The following PAPPA variants were observed in gnomAD, a reference collection of about 807,000 sequenced individuals.
PAPPA encodes the protein pappalysin-1.
A neutral mutation model predicts 164.0 loss-of-function variants in PAPPA; 60 were observed. The ratio of observed to expected loss-of-function variants is 0.37; its 90% CI spans 0.30 to 0.45. The LOEUF (loss-of-function observed/expected upper bound fraction) is 0.45. Among genes scored for constraint, PAPPA ranks in the 20% least tolerant of loss-of-function variants. The probability of loss-of-function intolerance (pLI) is 1.00; values close to 1 mark genes in which losing one functional copy is unlikely to be tolerated. For synonymous variants in PAPPA, 875 were observed against 814.1 expected (o/e 1.07, Z -1.27); for missense variants, 1,782 against 2,087.3 (o/e 0.85, Z 2.85).
At chr9:116,196,792 G>C (rs781634683) in intron 2 of PAPPA, among the ~76,000 whole-genome samples, 2 of 152,082 alleles carry the variant, frequency 1.3e-5, no homozygotes, top group African/African-American at 2.4e-5. Flanking sequence ...GGTTGTTTTA[G>C]TGGCCTGGTG....
chr9:116,305,985 G>C (rs1475217), intron 10 of PAPPA, among the ~76,000 whole-genome samples: 83,736 of 152,008 alleles, frequency 0.55, 25,665 homozygotes, highest in Middle Eastern at 0.7. Context: ...TGACAAGGTG[G>C]CCCTGTTCCA....
chr9:116,355,361 T>C (rs893787196), intron 17 of PAPPA, among the ~76,000 whole-genome samples: 1 of 152,218 alleles, frequency 6.6e-6, no homozygotes, highest in African/African-American at 2.4e-5. Flanking sequence ...CCCCCCATGG[T>C]GACACAGCTG....
At chr9:116,325,416 G>T (rs1015955321) in intron 10 of PAPPA, among the ~76,000 whole-genome samples, 1 of 152,140 alleles carries the variant, frequency 6.6e-6, no homozygotes. Context: ...AACTGCAGAG[G>T]GGGAATCGGA....
intron 1 of PAPPA, among the ~76,000 whole-genome samples, chr9:116,176,128 A>G (rs928172885): frequency 1.3e-5 from 2 of 152,194 alleles, no homozygotes; most frequent in Non-Finnish European, 2.9e-5. Flanking sequence ...TGTCTTGAAG[A>G]TCAGAAAAGA....
rs569309661 is a variant in PAPPA at position 116,272,501 on chromosome 9, G to A, written c.2953+1085G>A. On this transcript the variant is annotated intron_variant, in intron 9 of 21. Coordinates refer to ENST00000328252, the MANE Select transcript of PAPPA (RefSeq NM_002581.5). ...TTTCTCCCAGTAGATTGTGAGCTCC[G>A]TGATGGTGAAGACCATATACCATGT... Among the ~76,000 whole-genome samples the A allele has an allele frequency of 5.8e-4, 88 of 152,320 alleles. 1 individual carries two copies. The highest frequency in any genetic ancestry group is 2.1e-3 in the African/African-American group (86 of 41,574).
At chr9:116,186,238 A>C (rs1587942854) in intron 1 of PAPPA, among the ~76,000 whole-genome samples, 1 of 138,342 alleles carries the variant, frequency 7.2e-6, no homozygotes, top group Non-Finnish European at 1.6e-5. Flanking sequence ...GTGTGTGTGT[A>C]TCTATATCTA....
intron 7 of PAPPA, among the ~76,000 whole-genome samples, chr9:116,263,869 G>A (rs549929319): frequency 2.2e-4 from 33 of 152,212 alleles, no homozygotes; most frequent in African/African-American, 7.2e-4. Flanking sequence ...ATCATCAGCC[G>A]CAAATCACTC....
chr9:116,205,025 C>T (rs182630614), intron 2 of PAPPA, among the ~76,000 whole-genome samples: 29 of 151,640 alleles, frequency 1.9e-4, no homozygotes, highest in East Asian at 1.4e-3. Flanking sequence ...GGGAATACCT[C>T]GGGCAGCAAA....
At chr9:116,183,114 T>A (rs1843926327) in intron 1 of PAPPA, among the ~76,000 whole-genome samples, 1 of 152,184 alleles carries the variant, frequency 6.6e-6, no homozygotes, top group Non-Finnish European at 1.5e-5. Context: ...GCACCATTTT[T>A]TTTTTGTACT....
intron 17 of PAPPA, among the ~76,000 whole-genome samples, chr9:116,359,153 G>A (rs906050142): frequency 6.6e-6 from 1 of 152,168 alleles, no homozygotes; most frequent in African/African-American, 2.4e-5. Flanking sequence ...TCTTAACCAT[G>A]ACACTAGCAT....
intron 7 of PAPPA, among the ~76,000 whole-genome samples, chr9:116,249,218 C>T (rs748706720): frequency 1.3e-5 from 2 of 152,194 alleles, no homozygotes; most frequent in African/African-American, 4.8e-5. Flanking sequence ...AAGGGAAGCA[C>T]ATGGGCTAAG....
intron 7 of PAPPA, among the ~76,000 whole-genome samples, chr9:116,236,967 A>G (rs1475007845): frequency 6.6e-6 from 1 of 152,196 alleles, no homozygotes; most frequent in East Asian, 1.9e-4. Context: ...TACAAAAAGG[A>G]TAGAGTCTTC....
At chr9:116,218,507 C>T (rs1016106244) in intron 4 of PAPPA, among the ~76,000 whole-genome samples, 3 of 152,094 alleles carry the variant, frequency 2.0e-5, no homozygotes, top group African/African-American at 4.8e-5. Context: ...AGTGCATTGC[C>T]CTGTCCCTAG....
chr9:116,162,922 G>A (rs552159552), intron 1 of PAPPA, among the ~76,000 whole-genome samples: 1 of 152,014 alleles, frequency 6.6e-6, no homozygotes, highest in Non-Finnish European at 1.5e-5. Context: ...AAAATGAAAG[G>A]CTAACAAGAT....
chr9:116,389,871 A>G (rs1348763236), intron 21 of PAPPA, among the ~76,000 whole-genome samples: 1 of 151,314 alleles, frequency 6.6e-6, no homozygotes, highest in Non-Finnish European at 1.5e-5. Context: ...TATAAAATAT[A>G]TTTATTATTT....
Position 116,188,313 on chromosome 9 carries a change from G to A in PAPPA, c.1478+97G>A, listed in dbSNP as rs966350395. The A allele has an allele frequency of 1.9e-5, 17 of 873,658 alleles. No homozygotes were observed. The African/African-American group carries it at 2.2e-4, about 11-fold the overall frequency. 54.1% of individuals were successfully genotyped at this position (873,658 alleles called of 1,614,324 possible). A position where few individuals can be genotyped will look rare whatever the true frequency, so the allele number is the denominator to read the frequency against. The stretch of plus-strand genomic sequence containing the variant: ...ACCTGAGGCCAGTGGGTGATATGGG[G>A]ATTTTCTGGTTCAACCAGCAGCTTC... On this transcript the variant is annotated intron_variant, in intron 2 of 21. Transcript: ENST00000328252.
At chr9:116,350,592 A>T (rs577673694) in intron 15 of PAPPA, among the ~76,000 whole-genome samples, 37 of 152,356 alleles carry the variant, frequency 2.4e-4, no homozygotes, top group African/African-American at 7.7e-4. Flanking sequence ...TACCATATAC[A>T]TAGCTAATAC....
rs60642076 is a variant in PAPPA at position 116,347,195 on chromosome 9, C to T, written c.3950C>T (p.Pro1317Leu). The change falls in exon 15 of 22, where the codon CCT becomes CTT. Residue 1317 changes from proline to leucine, a missense_variant. Pro to Leu is a moderately conservative substitution (Grantham distance 98). Around this residue, in one of 2 missense-constraint regions of PAPPA, gnomAD observed 1,324 missense variants for 1,656.9 expected, o/e 0.80. Transcript: ENST00000328252. This position sits in a 1 kb window ranked among gnomAD's most constrained non-coding sequence, Gnocchi z 4.5. ...CAATGTTCCTTCCAGTGCCGTCACC[C>T]TGCACAATTGAAAGGTATCAAGAAC... ...GSQCSFQCRHPAQLKGNNSLL... is the reference protein window; with the variant it reads ...GSQCSFQCRHLAQLKGNNSLL... The T allele has an allele frequency of 2.8e-5, 45 of 1,611,378 alleles. No homozygotes were observed. The African/African-American group carries it at 5.3e-4, about 19-fold the overall frequency.
chr9:116,310,664 C>T (rs893074802), intron 10 of PAPPA, among the ~76,000 whole-genome samples: 1 of 152,156 alleles, frequency 6.6e-6, no homozygotes, highest in Non-Finnish European at 1.5e-5. Flanking sequence ...TCTATTCATC[C>T]TTTGGTCATT....
Sources: allele counts gnomAD v4.1 joint callset (sites outside exome capture counted in the v4.1 genomes callset), GRCh38; gene constraint gnomAD v4.1.1; regional missense constraint gnomAD v4.1.1; non-coding constraint Gnocchi (gnomAD v3.1); transcripts MANE v1.5; gene names NCBI Gene and HGNC (gene_info 2026-07-23, HGNC 2026-07-21).